CDC42: variants seen among roughly 807,000 people sequenced by gnomAD.
CDC42 encodes the protein cell division control protein 42 homolog.
Under a neutral mutation model 20.8 loss-of-function variants are expected in CDC42, and 1 was observed. The ratio of observed to expected loss-of-function variants is 0.05; its 90% CI spans 0.02 to 0.23. The LOEUF is 0.23. Ranked by LOEUF, CDC42 falls within the 10% of genes least tolerant of loss-of-function variation. The pLI, the probability that CDC42 is intolerant of heterozygous loss-of-function variation, is 1.00. For synonymous variants in CDC42, 72 were observed against 84.8 expected (o/e 0.85, Z 0.83); for missense variants, 49 against 227.9 (o/e 0.21, Z 5.05).
chr1:22,070,759 T>C (rs1414591138), intron 1 of CDC42, among the ~76,000 whole-genome samples: 11 of 151,430 alleles, frequency 7.3e-5, no homozygotes, highest in African/African-American at 2.7e-4. Flanking sequence ...CCACCACGCC[T>C]GGCCTTCTTT....
chr1:22,099,470 T>C lies in CDC42; in HGVS notation c.*7953T>C, dbSNP rs1236439760. On this transcript the variant is annotated 3_prime_UTR_variant, in exon 6 of 6. Coordinates refer to ENST00000656825, the MANE Select transcript of CDC42 (RefSeq NM_001791.4). ...TATGCAGCCAGAGTTGGAAATCCTA[T>C]CTGTCTGATTTTGGAAACTGTGTGC... Among the ~76,000 whole-genome samples, 1 of 152,210 alleles carries C rather than the reference T, an allele frequency of 6.6e-6. No individual in the cohort carries two copies. The highest frequency in any genetic ancestry group is 1.5e-5 in the Non-Finnish European group (1 of 68,032).
intron 1 of CDC42, among the ~76,000 whole-genome samples, chr1:22,060,868 G>A (rs530727122): frequency 6.6e-6 from 1 of 152,220 alleles, no homozygotes; most frequent in Non-Finnish European, 1.5e-5. Flanking sequence ...ATTTTAGAAT[G>A]TGTAAAGTTT....
chr1:22,086,321 C>T (rs889094623), intron 3 of CDC42, 118 bp from the exon 4 acceptor site: 1 of 641,460 alleles, frequency 1.6e-6, no homozygotes, highest in African/African-American at 1.8e-5. Flanking sequence ...TATTACAAAG[C>T]CATACATTTT....
intron 1 of CDC42, among the ~76,000 whole-genome samples, chr1:22,057,028 C>T (rs16826249): frequency 0.045 from 6,875 of 152,302 alleles, 221 homozygotes; most frequent in Non-Finnish European, 0.068. Context: ...TATATTGCTA[C>T]TATAATGATT....
Position 22,100,135 on chromosome 1 carries a change from A to T in CDC42, c.*8618A>T, listed in dbSNP as rs1171270551. On this transcript the variant is annotated 3_prime_UTR_variant, in exon 6 of 6. Transcript: ENST00000656825. ...TACCCAAGGTCTGAGGGAGGCTTGG[A>T]GCCAGCTCTGCAACCTGGCTCCCTT... Among the ~76,000 whole-genome samples the T allele has an allele frequency of 6.7e-6, 1 of 148,812 alleles. No homozygotes were observed. The highest frequency in any genetic ancestry group is 1.5e-5 in the Non-Finnish European group (1 of 67,700).
rs560303386 is a variant in CDC42 at position 22,089,475 on chromosome 1, A to C, written c.487-1953A>C. ...AGAGTCTGTTCTTTAAAGTCCTTCT[A>C]GTTGGTACTGTTGCACAATTAACAC... On this transcript the variant is annotated intron_variant, in intron 5 of 5. Coordinates refer to ENST00000656825, the MANE Select transcript of CDC42 (RefSeq NM_001791.4). Among the ~76,000 whole-genome samples, 3 of 152,308 alleles carry C rather than the reference A, an allele frequency of 2.0e-5. No individual in the cohort carries two copies. In the South Asian group the frequency reaches 6.2e-4, roughly 32 times the overall value.
Position 22,101,138 on chromosome 1 carries a change from A to T in CDC42, c.*9621A>T, listed in dbSNP as rs1645786220. 6.6e-6 allele frequency: 1 copy of T among 152,226 alleles called. No individual in the cohort carries two copies. Among genetic ancestry groups the T allele is most frequent in the Admixed American group, 6.5e-5 (1 of 15,286 alleles). 9.4% of individuals were successfully genotyped at this position (152,226 alleles called of 1,614,324 possible). On this transcript the variant is annotated 3_prime_UTR_variant, in exon 6 of 6. Transcript: ENST00000656825. ...TAGAAAACTCCGTGAACCCTGGTAC[A>T]TATAGCGTGATAAATCAAGTCCTGT...
In CDC42 at chr1:22,092,654, C is replaced by T. The variant is rs1645729577; in HGVS notation, c.*1137C>T. The T allele has an allele frequency of 6.6e-6, 1 of 152,466 alleles. No individual in the cohort carries two copies. Among genetic ancestry groups the T allele is most frequent in the African/African-American group, 2.4e-5 (1 of 41,398 alleles). The allele number at this position is 152,466 out of a possible 1,614,324, so 9.4% of individuals were successfully genotyped here. A position where few individuals can be genotyped will look rare whatever the true frequency, so the allele number is the denominator to read the frequency against. Reference sequence around the variant, plus strand: ...ACATGGGGACCAGTCAGGGGAATCCCCTTATTTCTGTTTTGCATATGAGGA... The same window carrying T: ...ACATGGGGACCAGTCAGGGGAATCCTCTTATTTCTGTTTTGCATATGAGGA... On this transcript the variant is annotated 3_prime_UTR_variant, in exon 6 of 6. Coordinates refer to ENST00000656825, the MANE Select transcript of CDC42 (RefSeq NM_001791.4).
intron 1 of CDC42, among the ~76,000 whole-genome samples, chr1:22,054,921 A>ATATAT (rs1645285768): frequency 4.1e-4 from 8 of 19,396 alleles, no homozygotes; most frequent in African/African-American, 6.2e-4. Context: ...ATATATATAT[A>ATATAT]TTTTTTTTTT....
At chr1:22,066,202 G>T (rs2152827966) in intron 1 of CDC42, among the ~76,000 whole-genome samples, 1 of 152,294 alleles carries the variant, frequency 6.6e-6, no homozygotes, top group East Asian at 1.9e-4. Context: ...TTCTCTCAGA[G>T]AGCTTAAAAT....
intron 5 of CDC42, among the ~76,000 whole-genome samples, chr1:22,090,983 G>A (rs776988894): frequency 6.6e-5 from 10 of 152,138 alleles, no homozygotes; most frequent in Non-Finnish European, 1.3e-4. Flanking sequence ...CTCTTTGCCT[G>A]TGCCTTCCAT....
chr1:22,067,539 T>A (rs1645438443), intron 1 of CDC42, among the ~76,000 whole-genome samples: 1 of 152,136 alleles, frequency 6.6e-6, no homozygotes, highest in Non-Finnish European at 1.5e-5. Flanking sequence ...GAGACAGGGT[T>A]TCACCAAGTT....
chr1:22,057,885 G>T (rs544031799), intron 1 of CDC42, among the ~76,000 whole-genome samples: 1 of 151,466 alleles, frequency 6.6e-6, no homozygotes, highest in East Asian at 1.9e-4. Context: ...CACCACACCC[G>T]GGTAATTTTC....
At chr1:22,067,452 A>G (rs1393342583) in intron 1 of CDC42, among the ~76,000 whole-genome samples, 1 of 151,378 alleles carries the variant, frequency 6.6e-6, no homozygotes, top group Non-Finnish European at 1.5e-5. Context: ...TGCAACCTCT[A>G]CCTCCCAAGC....
At chr1:22,068,239 A>G (rs1017770298) in intron 1 of CDC42, 10 of 152,786 alleles carry the variant, frequency 6.5e-5, no homozygotes, top group African/African-American at 1.7e-4. Context: ...AATAAACGTT[A>G]TAGTATTAAT....
chr1:22,066,187 A>G (rs1000628971), intron 1 of CDC42, among the ~76,000 whole-genome samples: 1 of 152,118 alleles, frequency 6.6e-6, no homozygotes, highest in Non-Finnish European at 1.5e-5. Context: ...GTATAAGCCT[A>G]GTTGTTCTCT....
Position 22,098,497 on chromosome 1 carries a change from A to G in CDC42, c.*6980A>G, listed in dbSNP as rs1183837072. Reference sequence around the variant, plus strand: ...TAGAACCTTTTTGAAACTTTGAAAAAGTTAAAAGGGTTCTGTGTAATGTTA... The same window carrying G: ...TAGAACCTTTTTGAAACTTTGAAAAGGTTAAAAGGGTTCTGTGTAATGTTA... On this transcript the variant is annotated 3_prime_UTR_variant, in exon 6 of 6. Transcript: ENST00000656825. Among the ~76,000 whole-genome samples, 1 of 152,220 alleles carries G rather than the reference A, an allele frequency of 6.6e-6. No homozygotes were observed. Among genetic ancestry groups the G allele is most frequent in the Non-Finnish European group, 1.5e-5 (1 of 68,040 alleles).
intron 5 of CDC42, among the ~76,000 whole-genome samples, chr1:22,089,439 A>T (rs1415180910): frequency 6.6e-6 from 1 of 152,178 alleles, no homozygotes; most frequent in Admixed American, 6.5e-5. Context: ...ACTGAAGTGT[A>T]TGCTGTTTTT....
rs1645729615 is a variant in CDC42, at chr1:22,092,668, TG to T, written c.*1152del. ...CAGGGGAATCCCCTTATTTCTGTTT[TG>T]CATATGAGGAACCCTAGAGCAGCCA... On this transcript the variant is annotated 3_prime_UTR_variant, in exon 6 of 6. Coordinates refer to ENST00000656825, the MANE Select transcript of CDC42 (RefSeq NM_001791.4). 3 of 152,734 alleles carry T rather than the reference TG, an allele frequency of 2.0e-5. No homozygotes were observed. The highest frequency in any genetic ancestry group is 6.5e-5 in the Admixed American group (1 of 15,296). 9.5% of individuals were successfully genotyped at this position (152,734 alleles called of 1,614,324 possible).
Sources: allele counts gnomAD v4.1 joint callset (sites outside exome capture counted in the v4.1 genomes callset), GRCh38; gene constraint gnomAD v4.1.1; transcripts MANE v1.5; gene names NCBI Gene and HGNC (gene_info 2026-07-23, HGNC 2026-07-21).